The following ASIC2 variants were observed in gnomAD, a reference collection of about 807,000 sequenced individuals.
ASIC2 encodes the protein acid-sensing ion channel 2.
ASIC2 carries 25 observed loss-of-function variants against 57.3 expected under a neutral mutation model. That is an observed-to-expected ratio of 0.44 (90% CI 0.32 to 0.61). The LOEUF (loss-of-function observed/expected upper bound fraction) is 0.61, where lower values mean the gene tolerates loss of function less well. Ranked by LOEUF, ASIC2 falls within the 20% of genes least tolerant of loss-of-function variation. The probability of loss-of-function intolerance (pLI) is 0.06; values close to 1 mark genes in which losing one functional copy is unlikely to be tolerated. For synonymous variants in ASIC2, 319 were observed against 307.5 expected, an observed-to-expected ratio of 1.04 and a Z score of -0.39; for missense variants, 641 against 738.1, an observed-to-expected ratio of 0.87 and a Z score of 1.52.
At chr17:34,139,513 G>A (rs1471987681) in intron 1 of ASIC2, among the ~76,000 whole-genome samples, 4 of 152,182 alleles carry the variant, frequency 2.6e-5, no homozygotes, top group South Asian at 2.1e-4. Context: ...TAAATAAAAC[G>A]TGGTATACGA....
chr17:33,307,642 T>A (rs1187280854), intron 1 of ASIC2, among the ~76,000 whole-genome samples: 1 of 152,142 alleles, frequency 6.6e-6, no homozygotes. Context: ...TGCTCAACAT[T>A]CCCCTTCTCT....
At chr17:33,334,806 C>T (rs912681809) in intron 1 of ASIC2, among the ~76,000 whole-genome samples, 30 of 152,222 alleles carry the variant, frequency 2.0e-4, no homozygotes, top group Admixed American at 1.6e-3. Flanking sequence ...TGATGGGGGT[C>T]GTCTTTTTGC....
chr17:33,773,262 A>G (rs1283797649), intron 1 of ASIC2, among the ~76,000 whole-genome samples: 1 of 151,906 alleles, frequency 6.6e-6, no homozygotes, highest in Non-Finnish European at 1.5e-5. Context: ...AATGGGCTAC[A>G]CTCTAGAGGA....
At chr17:33,787,873 G>T (rs1911653909) in intron 1 of ASIC2, among the ~76,000 whole-genome samples, 1 of 152,082 alleles carries the variant, frequency 6.6e-6, no homozygotes, top group Non-Finnish European at 1.5e-5. Flanking sequence ...AGTGGTTTAG[G>T]ACCAAACCCT....
At chr17:33,588,642 C>T (rs1021286706) in intron 1 of ASIC2, among the ~76,000 whole-genome samples, 14 of 152,134 alleles carry the variant, frequency 9.2e-5, no homozygotes, top group South Asian at 4.1e-4. Flanking sequence ...AATATAACAC[C>T]GTGAGACAAG....
intron 1 of ASIC2, among the ~76,000 whole-genome samples, chr17:33,732,261 T>A (rs1202516294): frequency 6.6e-6 from 1 of 152,212 alleles, no homozygotes; most frequent in Non-Finnish European, 1.5e-5. Flanking sequence ...GCACATGTGT[T>A]CAATGGAAGG....
intron 1 of ASIC2, among the ~76,000 whole-genome samples, chr17:33,674,313 T>C (rs1907742597): frequency 6.6e-6 from 1 of 152,244 alleles, no homozygotes; most frequent in East Asian, 1.9e-4. Context: ...GCAATGATTT[T>C]TCTCCCTTCT....
intron 1 of ASIC2, among the ~76,000 whole-genome samples, chr17:33,577,982 A>G (rs1308814127): frequency 6.6e-6 from 1 of 151,924 alleles, no homozygotes; most frequent in African/African-American, 2.4e-5. Context: ...TCTGTTGCTT[A>G]CTTGGGCTTC....
At chr17:33,322,833 T>C (rs1202838101) in intron 1 of ASIC2, among the ~76,000 whole-genome samples, 5 of 151,726 alleles carry the variant, frequency 3.3e-5, no homozygotes, top group African/African-American at 1.2e-4. Flanking sequence ...TCAGAGGAGG[T>C]AGTACTTGAA....
chr17:34,009,003 T>C (rs1906623378), intron 1 of ASIC2, among the ~76,000 whole-genome samples: 1 of 152,180 alleles, frequency 6.6e-6, no homozygotes, highest in African/African-American at 2.4e-5. Flanking sequence ...AATGAGGTTA[T>C]AGAAACAGAT....
chr17:33,579,507 T>G (rs1303826191), intron 1 of ASIC2, among the ~76,000 whole-genome samples: 1 of 152,058 alleles, frequency 6.6e-6, no homozygotes, highest in East Asian at 1.9e-4. Context: ...GTGCCCAGAA[T>G]TGTCTCCTCC....
chr17:33,115,700 A>G (rs2092278238), intron 1 of ASIC2, among the ~76,000 whole-genome samples: 1 of 152,058 alleles, frequency 6.6e-6, no homozygotes, highest in Admixed American at 6.5e-5. Flanking sequence ...TTGTTTTACA[A>G]CCTCACATCC....
chr17:34,016,345 A>G (rs1906952930), intron 1 of ASIC2, among the ~76,000 whole-genome samples: 1 of 144,148 alleles, frequency 6.9e-6, no homozygotes, highest in Admixed American at 7.1e-5. Context: ...AACGGCGTGA[A>G]CCCGGGAGGC....
intron 1 of ASIC2, among the ~76,000 whole-genome samples, chr17:33,636,897 C>A (rs1019391964): frequency 7.9e-5 from 12 of 151,638 alleles, no homozygotes; most frequent in African/African-American, 2.7e-4. Context: ...ACACACACAC[C>A]ACACACCTGT....
At chr17:33,198,313 CT>C (rs1439964192) in intron 1 of ASIC2, among the ~76,000 whole-genome samples, 52 of 152,348 alleles carry the variant, frequency 3.4e-4, no homozygotes, top group African/African-American at 1.2e-3. Context: ...GTTTGCACCA[CT>C]GCACTCCAGT....
chr17:33,243,040 A>G (rs879048695), intron 1 of ASIC2, among the ~76,000 whole-genome samples: 1 of 124,872 alleles, frequency 8.0e-6, no homozygotes, highest in Non-Finnish European at 1.9e-5. Context: ...GAAAACCCAC[A>G]TGTGTGTGCA....
chr17:33,655,680 C>CTGCA (rs960090015), intron 1 of ASIC2, among the ~76,000 whole-genome samples: 5 of 152,204 alleles, frequency 3.3e-5, no homozygotes, highest in African/African-American at 1.2e-4. Flanking sequence ...CTCTGCAAGG[C>CTGCA]TGCACCTCTA....
chr17:33,268,646 G>C lies in ASIC2; in HGVS notation c.708+22762C>G, dbSNP rs372711947. ...GGGACTTGAGTGGGCACTTTGGAGG[G>C]GATTTTTTTAAGAGCAAAGTTTGAA... On this transcript the variant is annotated intron_variant, in intron 1 of 9. Coordinates refer to ENST00000225823, the MANE Select transcript of ASIC2 (RefSeq NM_183377.2). Among the ~76,000 whole-genome samples, 50 of 152,170 alleles carry C rather than the reference G, an allele frequency of 3.3e-4. 1 individual carries two copies. In the East Asian group the frequency reaches 7.2e-3, roughly 22 times the overall value.
intron 1 of ASIC2, among the ~76,000 whole-genome samples, chr17:33,815,205 G>T (rs1004426857): frequency 6.6e-6 from 1 of 152,174 alleles, no homozygotes; most frequent in African/African-American, 2.4e-5. Flanking sequence ...GGTCTACAGA[G>T]GCCCTGCCAC....
Sources: allele counts gnomAD v4.1 joint callset (sites outside exome capture counted in the v4.1 genomes callset), GRCh38; gene constraint gnomAD v4.1.1; transcripts MANE v1.5; gene names NCBI Gene and HGNC (gene_info 2026-07-23, HGNC 2026-07-21).